The following DNAH14 variants were observed in gnomAD, a reference collection of about 807,000 sequenced individuals.
DNAH14 encodes the protein axonemal beta dynein heavy chain 14.
In DNAH14, 478 loss-of-function variants were observed where a neutral mutation model predicts 520.9. The ratio of observed to expected loss-of-function variants is 0.92; its 90% CI spans 0.85 to 0.99. DNAH14 has a LOEUF of 0.99. DNAH14 is among the 50% of genes least tolerant of loss of function. The probability of loss-of-function intolerance (pLI) is 0.00; values close to 1 mark genes in which losing one functional copy is unlikely to be tolerated. For synonymous variants in DNAH14, 1,581 were observed against 1,757.2 expected (o/e 0.90, Z 2.51); for missense variants, 4,831 against 5,234.5 (o/e 0.92, Z 2.38).
chr1:224,965,610 A>C (rs1270611354), intron 5 of DNAH14, among the ~76,000 whole-genome samples: 3 of 152,146 alleles, frequency 2.0e-5, no homozygotes, highest in African/African-American at 7.2e-5. Context: ...ATGAAGATAA[A>C]TCATCTTTTA....
intron 36 of DNAH14, among the ~76,000 whole-genome samples, chr1:225,184,449 A>G (rs1428914163): frequency 3.9e-5 from 6 of 151,992 alleles, no homozygotes; most frequent in African/African-American, 1.5e-4. Context: ...GAGAAACCCC[A>G]TCTCTACTAA....
intron 17 of DNAH14, among the ~76,000 whole-genome samples, chr1:225,072,671 G>A (rs1438718105): frequency 1.3e-5 from 2 of 152,188 alleles, no homozygotes; most frequent in Admixed American, 1.3e-4. Flanking sequence ...TCATCTTTGT[G>A]TGCTTATCTA....
At chr1:224,949,496 G>C (rs2060039667) in intron 1 of DNAH14, among the ~76,000 whole-genome samples, 1 of 152,110 alleles carries the variant, frequency 6.6e-6, no homozygotes, top group South Asian at 2.1e-4. Context: ...CCAGACTCTT[G>C]ATTTGTTTTG....
intron 60 of DNAH14, among the ~76,000 whole-genome samples, chr1:225,311,202 T>C (rs1420389058): frequency 6.6e-6 from 1 of 152,238 alleles, no homozygotes; most frequent in Non-Finnish European, 1.5e-5. Flanking sequence ...TGACCAGTAA[T>C]GATAAGCTTT....
At chr1:224,950,276 T>C (rs2060087928) in intron 1 of DNAH14, among the ~76,000 whole-genome samples, 1 of 152,188 alleles carries the variant, frequency 6.6e-6, no homozygotes, top group South Asian at 2.1e-4. Context: ...TGTCCTTTTT[T>C]TATGTCTGTG....
chr1:225,282,196 A>G (rs78036910), intron 54 of DNAH14, among the ~76,000 whole-genome samples: 5,518 of 152,300 alleles, frequency 0.036, 302 homozygotes, highest in African/African-American at 0.12. Flanking sequence ...CACCGATGGC[A>G]GACAAGTTTC....
At chr1:225,206,278 C>A in intron 40 of DNAH14, 99 bp downstream of exon 40, 1 of 1,111,222 alleles carries the variant, frequency 9.0e-7, no homozygotes. Flanking sequence ...TTATTTTTAC[C>A]TTTGTATCCA....
rs766216726 is a variant in DNAH14 at position 225,392,366 on chromosome 1, A to G, written c.13406A>G (p.His4469Arg). 30 of 1,552,324 alleles carry G rather than the reference A, an allele frequency of 1.9e-5. No individual in the cohort carries two copies. Among genetic ancestry groups the G allele is most frequent in the Non-Finnish European group, 2.5e-5 (29 of 1,147,144 alleles). ...GTGGATGCCCTCACCTTCACCCACC[A>G]TGTGATTTCCAACACCACTGACAAG... is the stretch of plus-strand genomic sequence containing the variant. ...IAVDALTFTHHVISNTTDKDE... is the reference protein window; with the variant it reads ...IAVDALTFTHRVISNTTDKDE... Residue 4469 changes from histidine to arginine, a missense_variant, in exon 84 of 86, where the codon CAT (histidine) becomes CGT (arginine). Physicochemically the swap from His to Arg is conservative, Grantham distance 29 (BLOSUM62 0). Transcript: ENST00000682510.
chr1:225,062,191 C>T (rs1377870531), intron 17 of DNAH14, among the ~76,000 whole-genome samples: 1 of 152,064 alleles, frequency 6.6e-6, no homozygotes, highest in Non-Finnish European at 1.5e-5. Flanking sequence ...GTCCCAGCTA[C>T]TCAGGAGACT....
chr1:225,143,814 T>C (rs2079667749), intron 28 of DNAH14, among the ~76,000 whole-genome samples: 2 of 152,340 alleles, frequency 1.3e-5, no homozygotes, highest in African/African-American at 2.4e-5. Flanking sequence ...GAGTTAGCAC[T>C]AACTGGGATA....
intron 55 of DNAH14, among the ~76,000 whole-genome samples, chr1:225,298,733 C>T (rs1008321624): frequency 2.6e-5 from 4 of 152,156 alleles, no homozygotes; most frequent in Non-Finnish European, 4.4e-5. Context: ...GTGGGAAGTA[C>T]ACACCTTGTT....
At chr1:225,250,064 T>C (rs1311382329) in intron 43 of DNAH14, among the ~76,000 whole-genome samples, 1 of 152,242 alleles carries the variant, frequency 6.6e-6, no homozygotes, top group Non-Finnish European at 1.5e-5. Context: ...TGTGGACATA[T>C]GTTTTCATTT....
intron 42 of DNAH14, among the ~76,000 whole-genome samples, chr1:225,240,314 T>C (rs1482418441): frequency 1.3e-5 from 2 of 150,170 alleles, no homozygotes; most frequent in African/African-American, 4.9e-5. Flanking sequence ...AATAAAAGCA[T>C]ATATATGTTA....
chr1:225,243,919 G>A (rs571942963), intron 43 of DNAH14, among the ~76,000 whole-genome samples: 11 of 151,866 alleles, frequency 7.2e-5, no homozygotes, highest in Non-Finnish European at 1.5e-4. Flanking sequence ...TTCTTGCATT[G>A]TGCCGGTTTT....
In DNAH14 at chr1:225,399,243, T is replaced by C. The variant is rs1183796186; in HGVS notation, c.13828T>C (p.Leu4610=). 4 of 1,551,326 alleles carry C rather than the reference T, an allele frequency of 2.6e-6. No homozygotes were observed. In the Admixed American group the frequency reaches 5.9e-5, roughly 23 times the overall value. ...TCACTGGATCACAATGCGGGTTGCA[T>C]TGCTTTGTGAGAAGAATGAAAAATA... ...PSHWITMRVA[L]LCEKNEK is the part of the protein sequence containing the mutation. Residue 4610 remains leucine (L), a synonymous_variant, in exon 86 of 86, where the codon TTG becomes CTG. Transcript: ENST00000682510.
intron 17 of DNAH14, among the ~76,000 whole-genome samples, chr1:225,053,403 T>C (rs1246502246): frequency 6.6e-6 from 1 of 152,208 alleles, no homozygotes; most frequent in Non-Finnish European, 1.5e-5. Flanking sequence ...TAGTAAGCCA[T>C]GTCAGGGACT....
intron 49 of DNAH14, among the ~76,000 whole-genome samples, chr1:225,270,327 T>TG (rs1574423217): frequency 3.2e-5 from 1 of 31,382 alleles, no homozygotes; most frequent in East Asian, 1.2e-3. Flanking sequence ...TGTTGTGGGG[T>TG]GGGGGGAGGG....
chr1:225,146,666 A>G (rs1000192545), intron 30 of DNAH14, among the ~76,000 whole-genome samples: 1 of 152,192 alleles, frequency 6.6e-6, no homozygotes, highest in African/African-American at 2.4e-5. Flanking sequence ...GCTGCCCGCC[A>G]CTAAGCCATA....
At chr1:225,010,320 A>C (rs533726194) in intron 10 of DNAH14, among the ~76,000 whole-genome samples, 44 of 152,220 alleles carry the variant, frequency 2.9e-4, no homozygotes, top group African/African-American at 1.0e-3. Flanking sequence ...GTTTAATTTT[A>C]TCAAAGGCCT....
Sources: allele counts gnomAD v4.1 joint callset (sites outside exome capture counted in the v4.1 genomes callset), GRCh38; gene constraint gnomAD v4.1.1; transcripts MANE v1.5; gene names NCBI Gene and HGNC (gene_info 2026-07-23, HGNC 2026-07-21).